The following A2ML1 variants were observed in gnomAD, a reference collection of about 807,000 sequenced individuals.
A2ML1 encodes the protein alpha-2-macroglobulin like 1, also known as alpha-2-macroglobulin-like protein 1.
A2ML1 carries 161 observed loss-of-function variants against 181.9 expected under a neutral mutation model. That is an observed-to-expected ratio of 0.89 (90% CI 0.78 to 1.01). A2ML1 has a LOEUF of 1.01. Ranked by LOEUF, A2ML1 falls within the 50% of genes least tolerant of loss-of-function variation. The pLI, the probability that A2ML1 is intolerant of heterozygous loss-of-function variation, is 0.00. For missense variants in A2ML1, 1,670 were observed against 1,768.1 expected (o/e 0.94, Z 1.00); for synonymous variants, 663 against 666.8 (o/e 0.99, Z 0.09).
downstream of A2ML1, chr12:8,880,472 C>T (rs1944860402): frequency 6.6e-6 from 1 of 152,080 alleles, no homozygotes; most frequent in Admixed American, 6.6e-5. Flanking sequence ...TGGGTAGTGT[C>T]TCCTCAAAGT....
chr12:8,851,768 C>T lies in A2ML1; in HGVS notation c.2235-16C>T. 1 of 1,613,206 alleles carries T rather than the reference C, an allele frequency of 6.2e-7. No individual in the cohort carries two copies. The highest frequency in any genetic ancestry group is 1.1e-5 in the South Asian group (1 of 90,992). On this transcript the variant is annotated splice_polypyrimidine_tract_variant and intron_variant, in intron 18 of 35. Coordinates refer to ENST00000299698, the MANE Select transcript of A2ML1 (RefSeq NM_144670.6). The stretch of plus-strand genomic sequence containing the variant: ...CACGCTACCTCTGCCTCATGTTGGT[C>T]CTTGTGTTTTCACAGTAACTCGGGG...
chr12:8,870,429 G>A (rs1447521936), intron 33 of A2ML1, among the ~76,000 whole-genome samples: 3 of 151,992 alleles, frequency 2.0e-5, no homozygotes, highest in Non-Finnish European at 4.4e-5. Context: ...CACCATGCCC[G>A]GCTAATTTTT....
rs774123289 is a variant in A2ML1 at position 8,854,326 on chromosome 12, T to C, written c.2712+77T>C. The C allele has an allele frequency of 3.0e-5, 45 of 1,507,798 alleles. No individual in the cohort carries two copies. The African/African-American group carries it at 5.8e-4, about 20-fold the overall frequency. The allele number at this position is 1,507,798 out of a possible 1,614,324, so 93.4% of individuals were successfully genotyped here. A position where few individuals can be genotyped will look rare whatever the true frequency, so the allele number is the denominator to read the frequency against. On this transcript the variant is annotated intron_variant, in intron 21 of 35. Coordinates refer to ENST00000299698, the MANE Select transcript of A2ML1 (RefSeq NM_144670.6). Reference sequence around the variant, plus strand: ...TCTCGTCTTGCTGTGAGTTAGTCTCTCACAGCAACCATACTCCAGTCCAAC... The same window carrying C: ...TCTCGTCTTGCTGTGAGTTAGTCTCCCACAGCAACCATACTCCAGTCCAAC...
Position 8,868,517 on chromosome 12 carries a change from T to C in A2ML1, c.4062-20T>C, listed in dbSNP as rs757499122. On this transcript the variant is annotated intron_variant, in intron 31 of 35. Coordinates refer to ENST00000299698, the MANE Select transcript of A2ML1 (RefSeq NM_144670.6). ...ACTGAAGTAATAGGCTCACATGTGT[T>C]TTCTTCTTCCTGCTCTCAGTTATGT... 4.3e-5 allele frequency: 69 copies of C among 1,612,950 alleles called. No homozygotes were observed. In the Middle Eastern group the frequency reaches 6.6e-4, roughly 15 times the overall value.
chr12:8,823,936 A>T, intron 3 of A2ML1, 54 bp downstream of exon 3: 1 of 1,531,132 alleles, frequency 6.5e-7, no homozygotes, highest in South Asian at 1.3e-5. Context: ...CGCTGTGCAC[A>T]GGGGTAAAGA....
At chr12:8,868,456 A>AAGTG in intron 31 of A2ML1, 81 bp from the exon 32 acceptor site, 1 of 1,095,972 alleles carries the variant, frequency 9.1e-7, no homozygotes, top group Non-Finnish European at 1.3e-6. Flanking sequence ...GTGTGTGTGT[A>AAGTG]CGTGTGTGTG....
intron 9 of A2ML1, 52 bp downstream of exon 9, chr12:8,838,502 G>T: frequency 6.9e-7 from 1 of 1,439,850 alleles, no homozygotes; most frequent in Non-Finnish European, 9.7e-7. Context: ...AAAAGGGCTG[G>T]TCCCAGGGAC....
chr12:8,863,519 T>C (rs755179364), intron 28 of A2ML1, among the ~76,000 whole-genome samples: 1 of 152,242 alleles, frequency 6.6e-6, no homozygotes, highest in Non-Finnish European at 1.5e-5. Flanking sequence ...CTATTTCCAT[T>C]AGCATCAAAA....
At position 8,857,211 on chromosome 12, in the gene A2ML1, A is replaced by T. The variant is rs750106996; in HGVS notation, c.2896A>T (p.Met966Leu). The T allele has an allele frequency of 1.9e-6, 3 of 1,612,962 alleles. No homozygotes were observed. In the Admixed American group the frequency reaches 5.0e-5, roughly 27 times the overall value. The stretch of plus-strand genomic sequence containing the variant: ...GCAGAACCTGGATGGTCTGGTGCAG[A>T]TGCCCAGTGGCTGTGGCGAGCAGAA... ...ALQNLDGLVQ[M>L]PSGCGEQNMV... Residue 966 changes from methionine to leucine, a missense_variant, in exon 24 of 36, where the codon ATG (methionine) becomes TTG (leucine). Physicochemically the swap from Met to Leu is conservative, Grantham distance 15. Transcript: ENST00000299698.
At chr12:8,857,703 T>C in intron 25 of A2ML1, 115 bp downstream of exon 25, 3 of 1,230,484 alleles carry the variant, frequency 2.4e-6, no homozygotes, top group Non-Finnish European at 3.5e-6. Context: ...CTCAGTCTTC[T>C]ACCTCTTTAA....
chr12:8,822,802 A>AAGTTGATCTCC, intron 1 of A2ML1, 89 bp downstream of exon 1: 1 of 1,278,938 alleles, frequency 7.8e-7, no homozygotes, highest in Non-Finnish European at 1.1e-6. Context: ...GGGGAGATCA[A>AAGTTGATCTCC]CTTTGGTTTA....
In A2ML1 at chr12:8,822,625, C is replaced by G. The variant is rs763892610; in HGVS notation, c.-27C>G. 9 of 1,611,298 alleles carry G rather than the reference C, an allele frequency of 5.6e-6. No homozygotes were observed. The highest frequency in any genetic ancestry group is 7.6e-6 in the Non-Finnish European group (9 of 1,177,586). On this transcript the variant is annotated 5_prime_UTR_variant, in exon 1 of 36. Coordinates refer to ENST00000299698, the MANE Select transcript of A2ML1 (RefSeq NM_144670.6). ...CGCGGAGCGATCTCTGCCCCTGACC[C>G]TGGAAAAATCTGTCTCACCCACAAA...
chr12:8,847,327 T>C (rs1383326476), intron 14 of A2ML1, among the ~76,000 whole-genome samples: 3 of 151,960 alleles, frequency 2.0e-5, no homozygotes, highest in African/African-American at 7.3e-5. Flanking sequence ...CTTTTTGTCT[T>C]CTAAACTTTC....
At position 8,874,498 on chromosome 12, in the gene A2ML1, C is replaced by G. The variant is rs1254791489; in HGVS notation, c.4295C>G (p.Thr1432Ser). 1.9e-6 allele frequency: 3 copies of G among 1,613,908 alleles called. No homozygotes were observed. The African/African-American group carries it at 4.0e-5, about 22-fold the overall frequency. The change falls in exon 34 of 36, where the codon ACC (threonine) becomes AGC (serine). Residue 1432 changes from threonine (T) to serine (S), a missense_variant. By Grantham distance (58) the Thr-to-Ser change is moderately conservative (BLOSUM62 1). Transcript: ENST00000299698. ...SVLVTNLKPA[T>S]IKVYDYYLPD... ...CTGGTCACCAACTTGAAACCAGCAA[C>G]CATCAAGGTCTATGACTACTACCTA... is the stretch of plus-strand genomic sequence containing the variant.
intron 2 of A2ML1, 141 bp downstream of exon 2, chr12:8,823,506 C>T (rs748176640): frequency 6.2e-6 from 7 of 1,122,002 alleles, no homozygotes; most frequent in Admixed American, 5.1e-5. Context: ...TAACCTCAAT[C>T]CCCGGCTATA....
Position 8,852,215 on chromosome 12 carries a change from G to C in A2ML1, c.2469G>C (p.Gln823His). The C allele has an allele frequency of 6.2e-7, 1 of 1,614,088 alleles. No individual in the cohort carries two copies. Reference sequence around the variant, plus strand: ...CTCTTAAACATCCTCCGTAGGTTCAGACTGACCTGGCTAAATCGCATGAGT... The same window carrying C: ...CTCTTAAACATCCTCCGTAGGTTCACACTGACCTGGCTAAATCGCATGAGT... ...FNYLKDCIRV[Q>H]TDLAKSHEYQ... The change falls in exon 20 of 36, where the codon CAG (glutamine) becomes CAC (histidine). Residue 823 changes from glutamine to histidine, a missense_variant. Transcript: ENST00000299698. This position sits in a 1 kb window ranked among gnomAD's most constrained non-coding sequence, Gnocchi z 4.2.
At chr12:8,836,093 G>T (rs931324915) in intron 6 of A2ML1, among the ~76,000 whole-genome samples, 162 bp from the exon 7 acceptor site, 1 of 150,942 alleles carries the variant, frequency 6.6e-6, no homozygotes, top group Admixed American at 6.6e-5. Context: ...TTTTTGAATC[G>T]ATGCTGAACC....
At chr12:8,866,411 A>T (rs1169021902) in intron 29 of A2ML1, among the ~76,000 whole-genome samples, 1 of 151,550 alleles carries the variant, frequency 6.6e-6, no homozygotes, top group East Asian at 1.9e-4. Flanking sequence ...TTTCAGGGAA[A>T]TTCTTGGCCA....
chr12:8,873,157 C>T (rs1469716337), intron 33 of A2ML1, among the ~76,000 whole-genome samples: 1 of 152,072 alleles, frequency 6.6e-6, no homozygotes, highest in Non-Finnish European at 1.5e-5. Context: ...CCCTCGACCA[C>T]ACTTTGAGAA....
Sources: allele counts gnomAD v4.1 joint callset (sites outside exome capture counted in the v4.1 genomes callset), GRCh38; gene constraint gnomAD v4.1.1; non-coding constraint Gnocchi (gnomAD v3.1); transcripts MANE v1.5; gene names NCBI Gene and HGNC (gene_info 2026-07-23, HGNC 2026-07-21).